Variants in RPS6KA2 observed in about 807,000 individuals in gnomAD.
RPS6KA2 encodes the protein ribosomal protein S6 kinase A2, also known as ribosomal protein S6 kinase alpha-2.
A neutral mutation model predicts 91.8 loss-of-function variants in RPS6KA2; 42 were observed. That is an observed-to-expected ratio of 0.46 (90% CI 0.36 to 0.59). The LOEUF (loss-of-function observed/expected upper bound fraction) is 0.59. Ranked by LOEUF, RPS6KA2 falls within the 20% of genes least tolerant of loss-of-function variation. RPS6KA2 has a pLI of 0.00. For missense variants in RPS6KA2, 798 were observed against 978.5 expected (o/e 0.82, Z 2.46); for synonymous variants, 414 against 393.6 (o/e 1.05, Z -0.61).
intron 2 of RPS6KA2, among the ~76,000 whole-genome samples, chr6:166,759,552 TGA>T (rs1453446581): frequency 6.6e-6 from 1 of 152,262 alleles, no homozygotes; most frequent in Non-Finnish European, 1.5e-5. Flanking sequence ...TGATTTTATG[TGA>T]GTCTCAGCAC....
In RPS6KA2 at chr6:166,767,947, T is replaced by C. The variant is rs1778365826; in HGVS notation, c.123+90253A>G. ...CACGACTGTGGAGTCTGCCTCTGTG[T>C]CCCCACATGTAAAATCGCTACCTTG... On this transcript the variant is annotated intron_variant, in intron 2 of 21. Coordinates refer to the RPS6KA2 transcript ENST00000503859. The surrounding 1 kb of genome is among the most constrained non-coding windows in gnomAD (Gnocchi z 4.6). Among the ~76,000 whole-genome samples the C allele has an allele frequency of 6.6e-6, 1 of 152,144 alleles. No individual in the cohort carries two copies. Among genetic ancestry groups the C allele is most frequent in the Non-Finnish European group, 1.5e-5 (1 of 68,026 alleles).
rs1258500767 is a variant in RPS6KA2, at chr6:166,726,741, C to T, written c.123+131459G>A. On this transcript the variant is annotated intron_variant, in intron 2 of 21. Transcript: ENST00000503859. This position sits in a 1 kb window ranked among gnomAD's most constrained non-coding sequence, Gnocchi z 4.4. Reference sequence around the variant, plus strand: ...TTGCGATACCGGTTTCCATAAGCTTCTGTGAATTCTTGTCAAAGCTTTAAA... The same window carrying T: ...TTGCGATACCGGTTTCCATAAGCTTTTGTGAATTCTTGTCAAAGCTTTAAA... 6.6e-6 allele frequency among the ~76,000 whole-genome samples: 1 copy of T among 152,196 alleles called. No homozygotes were observed. Among genetic ancestry groups the T allele is most frequent in the Non-Finnish European group, 1.5e-5 (1 of 68,042 alleles).
chr6:166,470,723 A>G (rs6926393), intron 10 of RPS6KA2, among the ~76,000 whole-genome samples: 53,461 of 152,104 alleles, frequency 0.35, 9,673 homozygotes, highest in East Asian at 0.52. Flanking sequence ...CGACTGCAGA[A>G]GCGTGCCCAT....
Position 166,467,534 on chromosome 6 carries a change from G to T in RPS6KA2, c.972+2307C>A, listed in dbSNP as rs777170007. 4.8e-4 allele frequency among the ~76,000 whole-genome samples: 73 copies of T among 152,320 alleles called. 2 individuals are homozygous for T. The highest frequency in any genetic ancestry group is 3.1e-4 in the Non-Finnish European group (21 of 68,026). ...AGGTCTCATAAGATGACACTGAATGGCAGACTGGAAGGAGGAGACCAGTGA... is the reference window on the plus strand; with the variant it reads ...AGGTCTCATAAGATGACACTGAATGTCAGACTGGAAGGAGGAGACCAGTGA... On this transcript the variant is annotated intron_variant, in intron 11 of 20. Transcript: ENST00000265678.
intron 2 of RPS6KA2, among the ~76,000 whole-genome samples, chr6:166,854,374 C>A (rs1780829631): frequency 6.6e-6 from 1 of 152,226 alleles, no homozygotes; most frequent in Non-Finnish European, 1.5e-5. Context: ...TTCTACACTT[C>A]AAAAACTATG....
intron 1 of RPS6KA2, among the ~76,000 whole-genome samples, chr6:166,620,467 G>C (rs12664861): frequency 6.6e-6 from 1 of 152,042 alleles, no homozygotes; most frequent in African/African-American, 2.4e-5. Context: ...TTCCAAGAGG[G>C]GCTATTACCA....
At chr6:166,716,294 C>T (rs936878499) in intron 2 of RPS6KA2, among the ~76,000 whole-genome samples, 19 of 152,042 alleles carry the variant, frequency 1.2e-4, no homozygotes, top group African/African-American at 4.3e-4. Context: ...GTAAGCTATG[C>T]GGACATTTAA....
chr6:166,446,536 G>A (rs2281060), intron 14 of RPS6KA2, among the ~76,000 whole-genome samples: 6,129 of 152,240 alleles, frequency 0.04, 172 homozygotes, highest in South Asian at 0.084. Context: ...TTCTCTCCCC[G>A]AGAGCTGTTG....
chr6:166,724,419 A>T (rs1790277077), intron 2 of RPS6KA2, among the ~76,000 whole-genome samples: 1 of 151,050 alleles, frequency 6.6e-6, no homozygotes, highest in Non-Finnish European at 1.5e-5. Context: ...CTTGCTTGTT[A>T]TTCATATTGA....
rs1005766155 is a variant in RPS6KA2, at chr6:166,770,452, A to C, written c.123+87748T>G. On this transcript the variant is annotated intron_variant, in intron 2 of 21. Transcript: ENST00000503859. This position sits in a 1 kb window ranked among gnomAD's most constrained non-coding sequence, Gnocchi z 5.1. ...AGCCCCAGGCAGCTTCAGCACCCCC[A>C]CGTTTGCCTCGCTGCCATGGCTCCC... is the stretch of plus-strand genomic sequence containing the variant. 6.6e-6 allele frequency among the ~76,000 whole-genome samples: 1 copy of C among 151,698 alleles called. No individual in the cohort carries two copies. The highest frequency in any genetic ancestry group is 1.5e-5 in the Non-Finnish European group (1 of 68,004).
chr6:166,439,911 C>T, intron 14 of RPS6KA2: 1 of 152,280 alleles, frequency 6.6e-6, no homozygotes, highest in South Asian at 2.1e-4. Flanking sequence ...CTGCTGGCCT[C>T]CCGAGCTATG....
At chr6:166,839,845 C>G (rs1301436580) in intron 2 of RPS6KA2, among the ~76,000 whole-genome samples, 1 of 150,540 alleles carries the variant, frequency 6.6e-6, no homozygotes, top group African/African-American at 2.5e-5. Context: ...GATTTCAGCC[C>G]AGTGAGACTG....
intron 2 of RPS6KA2, among the ~76,000 whole-genome samples, chr6:166,785,086 G>A (rs1778895118): frequency 1.3e-5 from 2 of 152,222 alleles, no homozygotes; most frequent in African/African-American, 2.4e-5. Flanking sequence ...CTGTGTTTGC[G>A]TCTACCTATC....
rs1037841514 is a variant in RPS6KA2 at position 166,419,987 on chromosome 6, G to A, written c.1744-29C>T. On this transcript the variant is annotated intron_variant, in intron 17 of 20. Transcript: ENST00000265678. The surrounding 1 kb of genome is among the most constrained non-coding windows in gnomAD (Gnocchi z 5.6). ...GGAGGGAACGACAGGACACCGGCAC[G>A]CCCTTCACTAAGGACATTCAGATTG... 3.8e-5 allele frequency: 61 copies of A among 1,596,496 alleles called. No individual in the cohort carries two copies. Among genetic ancestry groups the A allele is most frequent in the Non-Finnish European group, 5.0e-5 (58 of 1,164,766 alleles).
intron 12 of RPS6KA2, among the ~76,000 whole-genome samples, chr6:166,454,748 C>G (rs1370380871): frequency 6.6e-6 from 1 of 151,976 alleles, no homozygotes; most frequent in African/African-American, 2.4e-5. Flanking sequence ...CATGGACTGA[C>G]AGAGACGTGG....
chr6:166,443,871 C>G (rs569717106), intron 14 of RPS6KA2, among the ~76,000 whole-genome samples: 1 of 152,078 alleles, frequency 6.6e-6, no homozygotes, highest in African/African-American at 2.4e-5. Context: ...TTAAATATTT[C>G]TAGGCTATGT....
intron 2 of RPS6KA2, chr6:166,858,138 C>T (rs377171706): frequency 1.0e-6 from 1 of 974,546 alleles, no homozygotes; most frequent in Non-Finnish European, 1.7e-6. Context: ...TTTCCCCCTT[C>T]ACCACCTTCT....
intron 2 of RPS6KA2, among the ~76,000 whole-genome samples, chr6:166,681,421 C>T (rs570578082): frequency 6.6e-6 from 1 of 152,170 alleles, no homozygotes; most frequent in African/African-American, 2.4e-5. Context: ...TTCTAGATTC[C>T]GTCTTGACAT....
In RPS6KA2 at chr6:166,413,925, C is replaced by G. The variant is rs368787835; in HGVS notation, c.1945G>C (p.Val649Leu). The G allele has an allele frequency of 1.2e-6, 2 of 1,613,620 alleles. No individual in the cohort carries two copies. Among genetic ancestry groups the G allele is most frequent in the Admixed American group, 3.3e-5 (2 of 60,006 alleles). ...GGGTCCACGTGGAGCATCTTGGACACGACGTCCTGCCAGGGAAGGTCATGA... is the reference window on the plus strand; with the variant it reads ...GGGTCCACGTGGAGCATCTTGGACAGGACGTCCTGCCAGGGAAGGTCATGA... The part of the protein sequence containing the change: ...DSISDAAKDV[V>L]SKMLHVDPHQ... The change falls in exon 20 of 21, where the codon GTG becomes CTG. Residue 649 changes from valine (V) to leucine (L), a missense_variant. By Grantham distance (32) the Val-to-Leu change is conservative. Transcript: ENST00000265678.
Sources: allele counts gnomAD v4.1 joint callset (sites outside exome capture counted in the v4.1 genomes callset), GRCh38; gene constraint gnomAD v4.1.1; non-coding constraint Gnocchi (gnomAD v3.1); transcripts MANE v1.5; gene names NCBI Gene and HGNC (gene_info 2026-07-23, HGNC 2026-07-21).